Variants in LARGE1 observed in about 807,000 individuals in gnomAD.
The protein encoded by LARGE1 is LARGE xylosyl- and glucuronyltransferase 1.
A neutral mutation model predicts 87.6 loss-of-function variants in LARGE1; 43 were observed. That is an observed-to-expected ratio of 0.49 (90% CI 0.38 to 0.63). The LOEUF (loss-of-function observed/expected upper bound fraction) is 0.63, where lower values mean the gene tolerates loss of function less well. LARGE1 is among the 30% of genes least tolerant of loss of function. LARGE1 has a pLI of 0.00. For missense variants in LARGE1, 802 were observed against 1,000.2 expected (o/e 0.80, Z 2.67); for synonymous variants, 434 against 394.6 (o/e 1.10, Z -1.18).
At chr22:33,166,713 A>C in exon 12 of LARGE1, 1 of 470,594 alleles carries the variant, frequency 2.1e-6, no homozygotes, top group Non-Finnish European at 4.4e-6. Context: ...ATTAGGGCTC[A>C]TGAAGAACAG....
chr22:33,296,088 T>G (rs1292035612), intron 12 of LARGE1, among the ~76,000 whole-genome samples: 1 of 152,252 alleles, frequency 6.6e-6, no homozygotes, highest in African/African-American at 2.4e-5. Flanking sequence ...CATTCCTGTT[T>G]AATTACCCCA....
chr22:33,569,120 C>A (rs927646909), intron 5 of LARGE1, among the ~76,000 whole-genome samples: 11 of 152,340 alleles, frequency 7.2e-5, no homozygotes, highest in Admixed American at 3.9e-4. Context: ...GCCTTTGGAG[C>A]TCAGCTCAGC....
At position 33,651,155 on chromosome 22, in the gene LARGE1, G is replaced by A. The variant is rs200056972; in HGVS notation, c.107-487C>T. Among the ~76,000 whole-genome samples the A allele has an allele frequency of 3.2e-4, 48 of 149,440 alleles. No homozygotes were observed. The East Asian group carries it at 9.3e-3, about 29-fold the overall frequency. On this transcript the variant is annotated intron_variant, in intron 2 of 14. Transcript: ENST00000397394. ...CCCAGCACTTTGGGAGGCCAAGACGGGCGGATCACGAGGTCAGGAGATTGA... is the reference window on the plus strand; with the variant it reads ...CCCAGCACTTTGGGAGGCCAAGACGAGCGGATCACGAGGTCAGGAGATTGA...
At chr22:33,815,980 C>T (rs748427089) in intron 1 of LARGE1, among the ~76,000 whole-genome samples, 5 of 152,142 alleles carry the variant, frequency 3.3e-5, no homozygotes, top group Non-Finnish European at 5.9e-5. Flanking sequence ...CACAGGCAAC[C>T]CTCCTGAGTC....
rs144189438 is a variant in LARGE1 at position 33,589,738 on chromosome 22, C to T, written c.615+14697G>A. Among the ~76,000 whole-genome samples the T allele has an allele frequency of 3.0e-3, 450 of 152,280 alleles. 3 individuals carry two copies. The highest frequency in any genetic ancestry group is 0.01 in the African/African-American group (433 of 41,568). On this transcript the variant is annotated intron_variant, in intron 5 of 14. Coordinates refer to ENST00000397394, the MANE Select transcript of LARGE1 (RefSeq NM_133642.5). ...ATATCTCCAGTGACAGCTTTGGCCA[C>T]ATTCCATAAACTTTACTATGAAATG... is the stretch of plus-strand genomic sequence containing the variant.
At position 33,769,121 on chromosome 22, in the gene LARGE1, A is replaced by C. The variant is rs148025471; in HGVS notation, c.-82-7563T>G. Among the ~76,000 whole-genome samples the C allele has an allele frequency of 5.2e-3, 789 of 152,354 alleles. 8 individuals are homozygous for C. The highest frequency in any genetic ancestry group is 9.1e-3 in the Non-Finnish European group (621 of 68,034). ...CAACAGCTTTCTAAGAGATGAAAGC[A>C]GAGTTTCTCAACACGTGCCTTTTTC... is the stretch of plus-strand genomic sequence containing the variant. On this transcript the variant is annotated intron_variant, in intron 1 of 14. Coordinates refer to ENST00000397394, the MANE Select transcript of LARGE1 (RefSeq NM_133642.5).
At chr22:33,578,715 T>C (rs558634395) in intron 5 of LARGE1, among the ~76,000 whole-genome samples, 1 of 152,336 alleles carries the variant, frequency 6.6e-6, no homozygotes, top group Non-Finnish European at 1.5e-5. Context: ...TAATCGTTTT[T>C]GGAAATGGAT....
intron 6 of LARGE1, among the ~76,000 whole-genome samples, chr22:33,530,832 G>A (rs2072161993): frequency 6.6e-6 from 1 of 152,136 alleles, no homozygotes; most frequent in Admixed American, 6.5e-5. Flanking sequence ...CCTGGACTCC[G>A]ATGTAATTAT....
intron 3 of LARGE1, among the ~76,000 whole-genome samples, chr22:33,647,725 T>C (rs920793905): frequency 6.6e-6 from 1 of 152,188 alleles, no homozygotes; most frequent in Non-Finnish European, 1.5e-5. Context: ...CCAATATCCA[T>C]TGTCACCACT....
intron 6 of LARGE1, among the ~76,000 whole-genome samples, chr22:33,564,027 T>C (rs1360978768): frequency 1.3e-5 from 2 of 152,136 alleles, no homozygotes; most frequent in African/African-American, 4.8e-5. Flanking sequence ...TTTCATAGGA[T>C]ATGGAGCTAA....
intron 7 of LARGE1, among the ~76,000 whole-genome samples, chr22:33,392,372 A>G (rs2065561877): frequency 6.6e-6 from 1 of 151,948 alleles, no homozygotes; most frequent in Non-Finnish European, 1.5e-5. Flanking sequence ...AAAAAAGAAA[A>G]TGGGGGCCAG....
At chr22:33,842,991 A>T (rs1476627787) in intron 1 of LARGE1, among the ~76,000 whole-genome samples, 2 of 152,102 alleles carry the variant, frequency 1.3e-5, no homozygotes, top group Non-Finnish European at 2.9e-5. Flanking sequence ...CAAACAGGGC[A>T]TCTGTTTTGT....
chr22:33,474,710 C>T (rs1292186327), intron 6 of LARGE1, among the ~76,000 whole-genome samples: 1 of 152,176 alleles, frequency 6.6e-6, no homozygotes, highest in African/African-American at 2.4e-5. Flanking sequence ...AACTGGGAAA[C>T]AGTTCTCTTT....
At chr22:33,389,453 C>G (rs181319225) in intron 7 of LARGE1, among the ~76,000 whole-genome samples, 4 of 152,164 alleles carry the variant, frequency 2.6e-5, no homozygotes, top group Admixed American at 1.3e-4. Context: ...CACTTGTCAC[C>G]CATGTGTGAC....
chr22:33,456,139 A>G (rs1046429566), intron 6 of LARGE1, among the ~76,000 whole-genome samples: 1 of 152,224 alleles, frequency 6.6e-6, no homozygotes, highest in East Asian at 1.9e-4. Context: ...GGCTAGGCCC[A>G]CTTGTTCTTA....
intron 2 of LARGE1, among the ~76,000 whole-genome samples, chr22:33,710,666 AT>A (rs2082705849): frequency 6.6e-6 from 1 of 152,226 alleles, no homozygotes; most frequent in Non-Finnish European, 1.5e-5. Context: ...AATGATGCAA[AT>A]TCCTAAGGAA....
chr22:33,123,997 C>T, the LARGE1 span, among the ~76,000 whole-genome samples: 4 of 152,140 alleles, frequency 2.6e-5, no homozygotes, highest in South Asian at 2.1e-4. Context: ...GGATAAATGA[C>T]GGCTCTGGCC....
At chr22:33,795,205 G>C (rs1259113884) in intron 1 of LARGE1, among the ~76,000 whole-genome samples, 1 of 152,204 alleles carries the variant, frequency 6.6e-6, no homozygotes, top group African/African-American at 2.4e-5. Flanking sequence ...GATAAATACA[G>C]TAACAAGTTG....
chr22:33,690,983 CA>C (rs1368490568), intron 2 of LARGE1, among the ~76,000 whole-genome samples: 1 of 152,158 alleles, frequency 6.6e-6, no homozygotes. Context: ...ACAAGCCTGC[CA>C]GTTATTTCCT....
Sources: allele counts gnomAD v4.1 joint callset (sites outside exome capture counted in the v4.1 genomes callset), GRCh38; gene constraint gnomAD v4.1.1; transcripts MANE v1.5; gene names NCBI Gene and HGNC (gene_info 2026-07-23, HGNC 2026-07-21).